Variants in FMN2 observed in about 807,000 individuals in gnomAD.
FMN2 encodes formin 2, also known as formin-2.
FMN2 carries 51 observed loss-of-function variants against 142.3 expected under a neutral mutation model. That is an observed-to-expected ratio of 0.36 (90% CI 0.29 to 0.45). FMN2 has a LOEUF of 0.45. Ranked by LOEUF, FMN2 falls within the 20% of genes least tolerant of loss-of-function variation. The pLI, the probability that FMN2 is intolerant of heterozygous loss-of-function variation, is 1.00. For missense variants in FMN2, 1,936 were observed against 2,122.8 expected (o/e 0.91, Z 1.73); for synonymous variants, 882 against 869.8 (o/e 1.01, Z -0.25).
chr1:240,309,137 A>C (rs1260515168), intron 8 of FMN2, among the ~76,000 whole-genome samples: 1 of 152,232 alleles, frequency 6.6e-6, no homozygotes, highest in Non-Finnish European at 1.5e-5. Flanking sequence ...ATGATGGAAG[A>C]GTACAAGAAT....
At chr1:240,135,703 C>T (rs527963236) in intron 2 of FMN2, among the ~76,000 whole-genome samples, 64 of 143,404 alleles carry the variant, frequency 4.5e-4, no homozygotes, top group African/African-American at 1.4e-3. Context: ...TTTTTTGAGA[C>T]AGAGTCTCAC....
chr1:240,362,651 C>T (rs551220875), intron 14 of FMN2, among the ~76,000 whole-genome samples: 1 of 152,266 alleles, frequency 6.6e-6, no homozygotes, highest in Admixed American at 6.5e-5. Context: ...ATGTTGAAGT[C>T]ACTGGGAGAG....
At chr1:240,461,983 A>G (rs1368947347) in intron 16 of FMN2, among the ~76,000 whole-genome samples, 1 of 152,166 alleles carries the variant, frequency 6.6e-6, no homozygotes, top group African/African-American at 2.4e-5. Flanking sequence ...AGATTAAAAC[A>G]ATATCTATAT....
At chr1:240,223,538 G>A (rs559322271) in intron 6 of FMN2, among the ~76,000 whole-genome samples, 1 of 152,218 alleles carries the variant, frequency 6.6e-6, no homozygotes, top group African/African-American at 2.4e-5. Context: ...TCTACTGTTT[G>A]GAACCGTTTC....
At chr1:240,229,421 C>A (rs1352754619) in intron 6 of FMN2, among the ~76,000 whole-genome samples, 1 of 152,096 alleles carries the variant, frequency 6.6e-6, no homozygotes, top group Non-Finnish European at 1.5e-5. Context: ...AATCAACATA[C>A]CTTACCCTTT....
intron 7 of FMN2, among the ~76,000 whole-genome samples, chr1:240,287,665 T>G (rs1225223056): frequency 6.6e-6 from 1 of 152,200 alleles, no homozygotes. Context: ...AGATACTGAT[T>G]TGGAGAGAGA....
At chr1:240,333,173 A>G (rs1409071357) in intron 11 of FMN2, among the ~76,000 whole-genome samples, 1 of 152,204 alleles carries the variant, frequency 6.6e-6, no homozygotes, top group Non-Finnish European at 1.5e-5. Flanking sequence ...AAAGAGTAAA[A>G]TAAAAATTAA....
intron 14 of FMN2, among the ~76,000 whole-genome samples, chr1:240,363,569 TCGTGTGCGTG>T (rs1163635131): frequency 6.6e-6 from 1 of 152,148 alleles, no homozygotes; most frequent in African/African-American, 2.4e-5. Context: ...GCATCTTGTC[TCGTGTGCGTG>T]CGTGTGCATG....
chr1:240,202,859 G>A (rs1666180459), intron 4 of FMN2, among the ~76,000 whole-genome samples: 1 of 152,098 alleles, frequency 6.6e-6, no homozygotes, highest in African/African-American at 2.4e-5. Context: ...ATGAAACAGA[G>A]CTGGCATAGG....
chr1:240,212,929 TTGTTTTTTTG>T (rs967663750), intron 6 of FMN2, among the ~76,000 whole-genome samples: 3 of 152,150 alleles, frequency 2.0e-5, no homozygotes, highest in African/African-American at 7.2e-5. Context: ...AGCACCCCTT[TTGTTTTTTTG>T]TGTTTTTTTG....
rs59692947 is a variant in FMN2, at chr1:240,095,386, T to TACACACACACACACACACACACAC, written c.1615+1664_1615+1687dup. On this transcript the variant is annotated intron_variant, in intron 1 of 17. Transcript: ENST00000319653. ...ATACATTTGTAAGCATATATGTGCA[T>TACACACACACACACACACACACAC]ACACACACACACACACACACACACA... Among the ~76,000 whole-genome samples the TACACACACACACACACACACACAC allele has an allele frequency of 4.5e-4, 68 of 149,864 alleles. 1 individual carries two copies. In the South Asian group the frequency reaches 9.1e-3, roughly 20 times the overall value.
At chr1:240,182,434 T>C (rs7530706) in intron 3 of FMN2, among the ~76,000 whole-genome samples, 34,189 of 151,946 alleles carry the variant, frequency 0.23, 4,107 homozygotes, top group African/African-American at 0.29. Context: ...CTGGTAGAAA[T>C]ATGGTAGCTG....
At position 240,161,745 on chromosome 1, in the gene FMN2, A is replaced by G. The variant is rs1572004540; in HGVS notation, c.1783-16176A>G. ...CTTAATACAGCCTTTTAAATAAATG[A>G]GATGGGGTCAACTGGGTAATCATAT... On this transcript the variant is annotated intron_variant, in intron 2 of 17. Transcript: ENST00000319653. 3.3e-5 allele frequency among the ~76,000 whole-genome samples: 5 copies of G among 152,140 alleles called. No homozygotes were observed. The East Asian group carries it at 9.6e-4, about 29-fold the overall frequency.
intron 2 of FMN2, among the ~76,000 whole-genome samples, chr1:240,134,931 T>A (rs1046136874): frequency 6.6e-6 from 1 of 152,052 alleles, no homozygotes; most frequent in Non-Finnish European, 1.5e-5. Flanking sequence ...AACTGCAAAT[T>A]GTGAAGGGAA....
chr1:240,170,954 T>C (rs1664678492), intron 2 of FMN2: 1 of 788,154 alleles, frequency 1.3e-6, no homozygotes, highest in East Asian at 2.4e-5. Context: ...GATGGAGGAG[T>C]GGACTACTCC....
chr1:240,314,025 AT>A (rs890212640), intron 8 of FMN2, among the ~76,000 whole-genome samples: 1 of 151,844 alleles, frequency 6.6e-6, no homozygotes, highest in South Asian at 2.1e-4. Flanking sequence ...TAACGTGTAC[AT>A]TTTTTTTCAA....
intron 14 of FMN2, among the ~76,000 whole-genome samples, chr1:240,370,392 A>C (rs918073390): frequency 2.0e-5 from 3 of 152,100 alleles, no homozygotes; most frequent in African/African-American, 7.2e-5. Context: ...ATAGTATTTC[A>C]CTATAAAAAT....
intron 8 of FMN2, among the ~76,000 whole-genome samples, chr1:240,315,222 A>C (rs2102992544): frequency 6.6e-6 from 1 of 152,344 alleles, no homozygotes; most frequent in Non-Finnish European, 1.5e-5. Context: ...CATATAAGGT[A>C]GAGGTTTTTG....
rs187388737 is a variant in FMN2 at position 240,114,019 on chromosome 1, C to G, written c.1616-9160C>G. 2.6e-5 allele frequency among the ~76,000 whole-genome samples: 4 copies of G among 152,266 alleles called. No homozygotes were observed. In the East Asian group the frequency reaches 5.8e-4, roughly 22 times the overall value. On this transcript the variant is annotated intron_variant, in intron 1 of 17. Coordinates refer to ENST00000319653, the MANE Select transcript of FMN2 (RefSeq NM_020066.5). ...TATTTTATTGTGAAAGTGGAATATA[C>G]ACACTCAGAGAATTACAATGAATTC...
Sources: allele counts gnomAD v4.1 joint callset (sites outside exome capture counted in the v4.1 genomes callset), GRCh38; gene constraint gnomAD v4.1.1; transcripts MANE v1.5; gene names NCBI Gene and HGNC (gene_info 2026-07-23, HGNC 2026-07-21).